RIC8B: variants seen among roughly 807,000 people sequenced by gnomAD.
The protein encoded by RIC8B is RIC8 guanine nucleotide exchange factor B, also known as chaperone Ric-8B.
RIC8B carries 16 observed loss-of-function variants against 57.5 expected under a neutral mutation model. That is an observed-to-expected ratio of 0.28 (90% CI 0.19 to 0.42). The LOEUF (loss-of-function observed/expected upper bound fraction) is 0.42, where lower values mean the gene tolerates loss of function less well. Among genes scored for constraint, RIC8B ranks in the 10% least tolerant of loss-of-function variants. RIC8B has a pLI of 1.00. For synonymous variants in RIC8B, 216 were observed against 250.8 expected (o/e 0.86, Z 1.31); for missense variants, 481 against 677.0 (o/e 0.71, Z 3.21).
intron 9 of RIC8B, among the ~76,000 whole-genome samples, chr12:106,883,435 A>C (rs1450847598): frequency 6.6e-6 from 1 of 152,176 alleles, no homozygotes; most frequent in African/African-American, 2.4e-5. Context: ...ACATTTCTAC[A>C]TGGTTGTCAT....
chr12:106,865,652 ATCTC>A (rs1299354259), intron 8 of RIC8B, among the ~76,000 whole-genome samples: 1 of 151,620 alleles, frequency 6.6e-6, no homozygotes, highest in East Asian at 1.9e-4. Flanking sequence ...CCAAGCTAAA[ATCTC>A]TCTCTCCAGG....
chr12:106,877,666 A>G (rs1417049319), intron 9 of RIC8B, among the ~76,000 whole-genome samples: 1 of 152,210 alleles, frequency 6.6e-6, no homozygotes, highest in Non-Finnish European at 1.5e-5. Context: ...ACAAATTTTC[A>G]TACATGTGAT....
In RIC8B at chr12:106,824,941, A is replaced by C. The variant is rs191872040; in HGVS notation, c.742-785A>C. Reference sequence around the variant, plus strand: ...AAAGAAAAAAGTTTTATAATTTTTTAGTAGTTTTTGAGGTAGTTGGAGTCT... The same window carrying C: ...AAAGAAAAAAGTTTTATAATTTTTTCGTAGTTTTTGAGGTAGTTGGAGTCT... On this transcript the variant is annotated intron_variant, in intron 3 of 9. Transcript: ENST00000392837. Among the ~76,000 whole-genome samples, 5 of 152,198 alleles carry C rather than the reference A, an allele frequency of 3.3e-5. No homozygotes were observed. The East Asian group carries it at 9.7e-4, about 29-fold the overall frequency.
chr12:106,858,431 C>T (rs1477347024), intron 7 of RIC8B, among the ~76,000 whole-genome samples: 1 of 152,012 alleles, frequency 6.6e-6, no homozygotes, highest in Non-Finnish European at 1.5e-5. Context: ...TGTGTCTGAC[C>T]ATGTCATTAA....
At chr12:106,866,617 A>G (rs918031479) in intron 8 of RIC8B, among the ~76,000 whole-genome samples, 4 of 152,112 alleles carry the variant, frequency 2.6e-5, no homozygotes, top group Non-Finnish European at 5.9e-5. Flanking sequence ...TTAGCCCACA[A>G]GTATGTTTTG....
At chr12:106,828,245 T>C (rs1303651399) in intron 4 of RIC8B, among the ~76,000 whole-genome samples, 3 of 152,204 alleles carry the variant, frequency 2.0e-5, no homozygotes, top group Non-Finnish European at 1.5e-5. Context: ...TAACAGTTTA[T>C]CTGGAATGGC....
Position 106,889,293 on chromosome 12 carries a change from C to G in RIC8B, c.*3278C>G, listed in dbSNP as rs1026966914. Reference sequence around the variant, plus strand: ...ACATATTGTGAGCATTTTCCCATGTCAATAAATATTCTTCAAAAAGTAATG... The same window carrying G: ...ACATATTGTGAGCATTTTCCCATGTGAATAAATATTCTTCAAAAAGTAATG... On this transcript the variant is annotated 3_prime_UTR_variant, in exon 10 of 10. Coordinates refer to ENST00000392837, the MANE Select transcript of RIC8B (RefSeq NM_001330145.2). 4 of 151,862 alleles carry G rather than the reference C, an allele frequency of 2.6e-5. No individual in the cohort carries two copies. Among genetic ancestry groups the G allele is most frequent in the African/African-American group, 9.7e-5 (4 of 41,318 alleles). 9.4% of individuals were successfully genotyped at this position (151,862 alleles called of 1,614,324 possible).
chr12:106,788,413 G>A (rs982871033), intron 2 of RIC8B, among the ~76,000 whole-genome samples: 4 of 152,114 alleles, frequency 2.6e-5, no homozygotes, highest in African/African-American at 7.2e-5. Context: ...TCTACTAGGC[G>A]GTGCCCCAGT....
At chr12:106,793,355 T>C (rs2044341165) in intron 2 of RIC8B, among the ~76,000 whole-genome samples, 1 of 152,186 alleles carries the variant, frequency 6.6e-6, no homozygotes, top group African/African-American at 2.4e-5. Context: ...GAATGTCTCC[T>C]CAAAGGAACT....
rs551133788 is a variant in RIC8B, at chr12:106,793,426, G to T, written c.132+9382G>T. The stretch of plus-strand genomic sequence containing the variant: ...CTAAGGGTGCAGGTTGTGATGAAAG[G>T]CACTTGGGGTGACATTAACACAGTC... On this transcript the variant is annotated intron_variant, in intron 2 of 9. Transcript: ENST00000392837. Among the ~76,000 whole-genome samples the T allele has an allele frequency of 2.6e-5, 4 of 152,300 alleles. No individual in the cohort carries two copies. The South Asian group carries it at 8.3e-4, about 32-fold the overall frequency.
At chr12:106,819,397 C>A (rs1566083022) in intron 3 of RIC8B, among the ~76,000 whole-genome samples, 2 of 152,076 alleles carry the variant, frequency 1.3e-5, no homozygotes, top group Non-Finnish European at 2.9e-5. Context: ...TTTTTGATGA[C>A]CACCTTCTAA....
chr12:106,830,313 CTT>C (rs2046301101), intron 4 of RIC8B, among the ~76,000 whole-genome samples: 1 of 152,174 alleles, frequency 6.6e-6, no homozygotes, highest in Non-Finnish European at 1.5e-5. Context: ...ACAAGGCAGA[CTT>C]TTAATAAATG....
intron 3 of RIC8B, chr12:106,822,226 C>A (rs1368697545): frequency 2.0e-5 from 3 of 151,662 alleles, no homozygotes; most frequent in Admixed American, 6.6e-5. Context: ...ATACTACAAC[C>A]AAGAAATCAC....
chr12:106,780,978 C>G (rs534639037), intron 1 of RIC8B, among the ~76,000 whole-genome samples: 1 of 152,190 alleles, frequency 6.6e-6, no homozygotes, highest in African/African-American at 2.4e-5. Flanking sequence ...AGACTGGACT[C>G]AAACTCAAGG....
At position 106,813,051 on chromosome 12, in the gene RIC8B, C is replaced by G. The variant is rs111648133; in HGVS notation, c.133-1645C>G. On this transcript the variant is annotated intron_variant, in intron 2 of 9. Coordinates refer to ENST00000392837, the MANE Select transcript of RIC8B (RefSeq NM_001330145.2). ...AAAGGATAGTTGTGTAGAACATGTA[C>G]AAACTTTTCTGTCATTATTCCTTAA... Among the ~76,000 whole-genome samples, 3 of 152,116 alleles carry G rather than the reference C, an allele frequency of 2.0e-5. 1 individual carries two copies. Among genetic ancestry groups the G allele is most frequent in the African/African-American group, 7.2e-5 (3 of 41,496 alleles).
rs953912204 is a variant in RIC8B, at chr12:106,888,314, T to G, written c.*2299T>G. 1 of 152,212 alleles carries G rather than the reference T, an allele frequency of 6.6e-6. No individual in the cohort carries two copies. The highest frequency in any genetic ancestry group is 1.5e-5 in the Non-Finnish European group (1 of 68,048). 9.4% of individuals were successfully genotyped at this position (152,212 alleles called of 1,614,324 possible). ...GTTTGCGGGGAAGAAGATGAGAGTG[T>G]CTTCATCTGGCACACAGAAAGAGAA... On this transcript the variant is annotated 3_prime_UTR_variant, in exon 10 of 10. Transcript: ENST00000392837.
intron 2 of RIC8B, among the ~76,000 whole-genome samples, chr12:106,792,115 G>T (rs899237489): frequency 3.3e-5 from 5 of 152,092 alleles, no homozygotes; most frequent in African/African-American, 1.2e-4. Context: ...TAAAATAATT[G>T]CACACAATAC....
chr12:106,882,304 T>C (rs1950979639), intron 9 of RIC8B, among the ~76,000 whole-genome samples: 1 of 152,164 alleles, frequency 6.6e-6, no homozygotes, highest in Non-Finnish European at 1.5e-5. Context: ...CTGTCCTAAT[T>C]CTACAGAGAA....
intron 4 of RIC8B, among the ~76,000 whole-genome samples, chr12:106,832,572 A>AT (rs950218812): frequency 1.3e-5 from 2 of 151,892 alleles, no homozygotes; most frequent in African/African-American, 4.8e-5. Flanking sequence ...GTATGAAAAA[A>AT]AAAAAAAAAT....
Sources: allele counts gnomAD v4.1 joint callset (sites outside exome capture counted in the v4.1 genomes callset), GRCh38; gene constraint gnomAD v4.1.1; transcripts MANE v1.5; gene names NCBI Gene and HGNC (gene_info 2026-07-23, HGNC 2026-07-21).